RBFOX1: variants seen among roughly 807,000 people sequenced by gnomAD.
RBFOX1 encodes the protein RNA binding fox-1 homolog 1.
A neutral mutation model predicts 57.7 loss-of-function variants in RBFOX1; 8 were observed. The observed-to-expected ratio is 0.14, with a 90% CI of 0.08 to 0.25. The LOEUF (loss-of-function observed/expected upper bound fraction) is 0.25, where lower values mean the gene tolerates loss of function less well. Ranked by LOEUF, RBFOX1 falls within the 10% of genes least tolerant of loss-of-function variation. The pLI, the probability that RBFOX1 is intolerant of heterozygous loss-of-function variation, is 1.00. For missense variants in RBFOX1, 611 were observed against 548.5 expected, an observed-to-expected ratio of 1.11 and a Z score of -1.14; for synonymous variants, 326 against 222.4, an observed-to-expected ratio of 1.47 and a Z score of -4.15.
At chr16:6,754,160 A>G (rs1244389987) in intron 3 of RBFOX1, among the ~76,000 whole-genome samples, 1 of 152,178 alleles carries the variant, frequency 6.6e-6, no homozygotes, top group Non-Finnish European at 1.5e-5. Flanking sequence ...TCTTTTGAGT[A>G]CAAATTGATT....
At chr16:6,966,785 A>G (rs375871054) in intron 3 of RBFOX1, among the ~76,000 whole-genome samples, 6,291 of 53,842 alleles carry the variant, frequency 0.12, 251 homozygotes, top group African/African-American at 0.22. Context: ...CTATCTATCT[A>G]TCTATCTGTC....
At chr16:7,124,343 G>A (rs554062873) in intron 4 of RBFOX1, among the ~76,000 whole-genome samples, 3 of 152,252 alleles carry the variant, frequency 2.0e-5, no homozygotes, top group South Asian at 2.1e-4. Context: ...GAGTTCAGGA[G>A]GTTGAGGCTG....
chr16:6,163,816 T>G (rs1357539468), intron 1 of RBFOX1, among the ~76,000 whole-genome samples: 1 of 152,160 alleles, frequency 6.6e-6, no homozygotes, highest in East Asian at 1.9e-4. Flanking sequence ...TGCCCAATCT[T>G]AATTAAATGC....
chr16:7,456,256 A>G (rs1049966850), intron 4 of RBFOX1, among the ~76,000 whole-genome samples: 2 of 152,148 alleles, frequency 1.3e-5, no homozygotes, highest in African/African-American at 4.8e-5. Context: ...AACATTGCCT[A>G]TCCTAGAGGG....
At chr16:5,734,465 G>T (rs1045966349) in intron 3 of RBFOX1, among the ~76,000 whole-genome samples, 1 of 152,174 alleles carries the variant, frequency 6.6e-6, no homozygotes, top group African/African-American at 2.4e-5. Context: ...AACAGCACAT[G>T]CTTTCATGCT....
At chr16:6,782,356 A>G (rs901864452) in intron 3 of RBFOX1, among the ~76,000 whole-genome samples, 15 of 152,144 alleles carry the variant, frequency 9.9e-5, no homozygotes, top group African/African-American at 2.4e-4. Flanking sequence ...AGGTTTCAGT[A>G]TGCTGTGTTT....
intron 2 of RBFOX1, among the ~76,000 whole-genome samples, chr16:6,632,694 A>C (rs80219379): frequency 0.01 from 1,536 of 152,304 alleles, 21 homozygotes; most frequent in African/African-American, 0.035. Context: ...TCTTTGGCTG[A>C]AGTGCTTGCC....
At chr16:6,408,244 C>G (rs2093351433) in intron 2 of RBFOX1, among the ~76,000 whole-genome samples, 1 of 152,054 alleles carries the variant, frequency 6.6e-6, no homozygotes, top group Non-Finnish European at 1.5e-5. Context: ...AAAAGAAAAG[C>G]ACTTTATTCT....
chr16:7,615,966 G>A (rs1017377132), intron 10 of RBFOX1, among the ~76,000 whole-genome samples: 1 of 152,174 alleles, frequency 6.6e-6, no homozygotes, highest in African/African-American at 2.4e-5. Flanking sequence ...AATAATGTAT[G>A]AACAGCTGCA....
rs1440482497 is a variant in RBFOX1, at chr16:7,393,852, T to A, written c.28-124295T>A. On this transcript the variant is annotated intron_variant, in intron 4 of 15. Coordinates refer to ENST00000550418, the MANE Select transcript of RBFOX1 (RefSeq NM_018723.4). ...CAAGTCCAAACATTCAGAGAAGAAT[T>A]CAGGTTGTCAGCAGTTAGCTGCAAA... Among the ~76,000 whole-genome samples, 12 of 152,084 alleles carry A rather than the reference T, an allele frequency of 7.9e-5. 1 individual carries two copies. The highest frequency in any genetic ancestry group is 1.7e-4 in the African/African-American group (7 of 41,412).
At chr16:5,499,793 G>A (rs1200873702) in intron 2 of RBFOX1, among the ~76,000 whole-genome samples, 1 of 152,012 alleles carries the variant, frequency 6.6e-6, no homozygotes, top group African/African-American at 2.4e-5. Flanking sequence ...GGCTGGTCTT[G>A]AACTCCTGAC....
intron 1 of RBFOX1, among the ~76,000 whole-genome samples, chr16:6,154,414 G>A (rs2096824364): frequency 6.6e-6 from 1 of 152,202 alleles, no homozygotes; most frequent in African/African-American, 2.4e-5. Context: ...CATTGTAACT[G>A]TAAAATAACT....
At chr16:5,516,162 C>T (rs1187427433) in intron 2 of RBFOX1, among the ~76,000 whole-genome samples, 1 of 152,210 alleles carries the variant, frequency 6.6e-6, no homozygotes, top group African/African-American at 2.4e-5. Context: ...AAAGATGCCA[C>T]TCCTCCAAAG....
At chr16:5,820,489 G>A (rs943702522) in intron 3 of RBFOX1, among the ~76,000 whole-genome samples, 20 of 152,074 alleles carry the variant, frequency 1.3e-4, no homozygotes, top group Non-Finnish European at 2.2e-4. Context: ...GCAGCTGCCC[G>A]CACGTTTCTA....
At chr16:6,533,129 C>T (rs1050914220) in intron 2 of RBFOX1, among the ~76,000 whole-genome samples, 4 of 152,236 alleles carry the variant, frequency 2.6e-5, no homozygotes, top group African/African-American at 9.6e-5. Context: ...GCATTGAAAA[C>T]TGTCAACACC....
intron 10 of RBFOX1, among the ~76,000 whole-genome samples, chr16:7,616,840 G>A (rs11077203): frequency 0.54 from 82,249 of 151,928 alleles, 24,205 homozygotes; most frequent in East Asian, 0.83. Context: ...CGCAAAAATA[G>A]TTTTATCAGG....
At chr16:7,157,105 T>C (rs1021792996) in intron 4 of RBFOX1, among the ~76,000 whole-genome samples, 2 of 152,178 alleles carry the variant, frequency 1.3e-5, no homozygotes, top group African/African-American at 2.4e-5. Flanking sequence ...TTCCATGCTA[T>C]TGAGTGTGGG....
At chr16:6,335,968 TG>T (rs765436909) in intron 2 of RBFOX1, among the ~76,000 whole-genome samples, 1 of 149,988 alleles carries the variant, frequency 6.7e-6, no homozygotes, top group East Asian at 2.0e-4. Context: ...CGCAGCATGA[TG>T]GGAGAATGAA....
intron 1 of RBFOX1, among the ~76,000 whole-genome samples, chr16:6,032,149 C>G (rs116902999): frequency 1.3e-5 from 2 of 152,176 alleles, no homozygotes; most frequent in Non-Finnish European, 2.9e-5. Context: ...TCCGTGCTTT[C>G]AATTCTGCTG....
Sources: allele counts gnomAD v4.1 joint callset (sites outside exome capture counted in the v4.1 genomes callset), GRCh38; gene constraint gnomAD v4.1.1; transcripts MANE v1.5; gene names NCBI Gene and HGNC (gene_info 2026-07-23, HGNC 2026-07-21).